BLOC1S2: variants seen among roughly 807,000 people sequenced by gnomAD.
BLOC1S2 encodes biogenesis of lysosome-related organelles complex 1 subunit 2.
In BLOC1S2, 12 loss-of-function variants were observed where a neutral mutation model predicts 19.6. The observed-to-expected ratio is 0.61, with a 90% CI of 0.39 to 0.99. BLOC1S2 has a LOEUF of 0.99. Ranked by LOEUF, BLOC1S2 falls within the 50% of genes least tolerant of loss-of-function variation. The pLI is 0.00. For synonymous variants in BLOC1S2, 66 were observed against 64.1 expected, an observed-to-expected ratio of 1.03 and a Z score of -0.14; for missense variants, 142 against 171.0, an observed-to-expected ratio of 0.83 and a Z score of 0.95.
In BLOC1S2 at chr10:100,275,141, G is replaced by A; in HGVS notation, c.*321C>T. On this transcript the variant is annotated 3_prime_UTR_variant, in exon 5 of 5. Transcript: ENST00000370372. Reference sequence around the variant, plus strand: ...AATGTAGTAATCAACCACTACCAGAGAAAATAGGTCCTCTCATTTGATTTT... The same window carrying A: ...AATGTAGTAATCAACCACTACCAGAAAAAATAGGTCCTCTCATTTGATTTT... 2.5e-6 allele frequency: 1 copy of A among 404,500 alleles called. No homozygotes were observed. Among genetic ancestry groups the A allele is most frequent in the Non-Finnish European group, 4.4e-6 (1 of 229,232 alleles). The allele number at this position is 404,500 out of a possible 1,614,324, so 25.1% of individuals were successfully genotyped here.
chr10:100,277,606 GA>G (rs1406852253), intron 4 of BLOC1S2, among the ~76,000 whole-genome samples: 40 of 108,934 alleles, frequency 3.7e-4, no homozygotes, highest in African/African-American at 6.6e-4. Context: ...AGGGAGGTGG[GA>G]GGGGGTCAGC....
At chr10:100,275,637 T>C (rs761844527) in intron 4 of BLOC1S2, 144 bp from the exon 5 acceptor site, 95 of 703,864 alleles carry the variant, frequency 1.3e-4, no homozygotes, top group Non-Finnish European at 2.0e-4. Flanking sequence ...TGTCCAAATA[T>C]ACGGATCACT....
rs553952852 is a variant in BLOC1S2 at position 100,286,672 on chromosome 10, G to C, written c.-13C>G. On this transcript the variant is annotated 5_prime_UTR_variant, in exon 1 of 5. Coordinates refer to ENST00000370372, the MANE Select transcript of BLOC1S2 (RefSeq NM_173809.5). ...CTGCCGCCGCCATAGCGGACCCCGC[G>C]CTGTTTCCGGGCCGGGGTGCTGCGC... is the stretch of plus-strand genomic sequence containing the variant. 2.5e-6 allele frequency: 4 copies of C among 1,608,384 alleles called. No homozygotes were observed. The highest frequency in any genetic ancestry group is 2.2e-5 in the East Asian group (1 of 44,692).
At chr10:100,278,977 C>T (rs1848025441) in intron 4 of BLOC1S2, among the ~76,000 whole-genome samples, 2 of 152,052 alleles carry the variant, frequency 1.3e-5, no homozygotes, top group South Asian at 2.1e-4. Context: ...GTCCCAGGTA[C>T]TCAGGAGGCT....
rs368757508 is a variant in BLOC1S2, at chr10:100,286,149, G to A, written c.120C>T (p.Leu40=). 13 of 1,614,152 alleles carry A rather than the reference G, an allele frequency of 8.1e-6. No homozygotes were observed. Among genetic ancestry groups the A allele is most frequent in the Non-Finnish European group, 1.1e-5 (13 of 1,179,998 alleles). The change falls in exon 2 of 5, where the codon CTC becomes CTT. Residue 40 remains leucine (L), a synonymous_variant. Transcript: ENST00000370372. ...CCATTTTGGAGAACATGTCCCGGCAGAGCTCAGTGATGTCAGCTTCAGCAG... is the reference window on the plus strand; with the variant it reads ...CCATTTTGGAGAACATGTCCCGGCAAAGCTCAGTGATGTCAGCTTCAGCAG... ...KEPAEADITE[L]CRDMFSKMAT...
In BLOC1S2 at chr10:100,274,888, A is replaced by G. The variant is rs1847814259; in HGVS notation, c.*574T>C. 1 of 398,342 alleles carries G rather than the reference A, an allele frequency of 2.5e-6. No homozygotes were observed. The highest frequency in any genetic ancestry group is 4.4e-6 in the Non-Finnish European group (1 of 225,976). 24.7% of individuals were successfully genotyped at this position (398,342 alleles called of 1,614,324 possible). A position where few individuals can be genotyped will look rare whatever the true frequency, so the allele number is the denominator to read the frequency against. ...CCAAGTTATCAATACTCCTTTCACC[A>G]TTTCTGCTCAATCTAGAAGACTCAG... On this transcript the variant is annotated 3_prime_UTR_variant, in exon 5 of 5. Coordinates refer to ENST00000370372, the MANE Select transcript of BLOC1S2 (RefSeq NM_173809.5).
Position 100,279,044 on chromosome 10 carries a change from G to A in BLOC1S2, c.397+1080C>T, listed in dbSNP as rs114682812. ...CAAGGCTACAGCGAGCTATGATCAC[G>A]TCATTGCACCCTAGCCTGGGTGACA... is the stretch of plus-strand genomic sequence containing the variant. On this transcript the variant is annotated intron_variant, in intron 4 of 4. Transcript: ENST00000370372. Among the ~76,000 whole-genome samples the A allele has an allele frequency of 8.3e-3, 1,260 of 151,806 alleles. 18 individuals are homozygous for A. The highest frequency in any genetic ancestry group is 0.026 in the African/African-American group (1,062 of 41,364).
intron 2 of BLOC1S2, 144 bp downstream of exon 2, chr10:100,285,953 C>T: frequency 9.0e-7 from 1 of 1,116,768 alleles, no homozygotes; most frequent in Non-Finnish European, 1.3e-6. Flanking sequence ...TTTTCTTTCT[C>T]TCCCATTCAT....
At chr10:100,285,135 C>G (rs1848201857) in intron 2 of BLOC1S2, among the ~76,000 whole-genome samples, 1 of 152,064 alleles carries the variant, frequency 6.6e-6, no homozygotes, top group African/African-American at 2.4e-5. Context: ...CAAGCCTTTT[C>G]TCATAGATTC....
At chr10:100,285,082 G>GA (rs200718402) in intron 2 of BLOC1S2, among the ~76,000 whole-genome samples, 65,875 of 147,722 alleles carry the variant, frequency 0.45, 14,822 homozygotes, top group African/African-American at 0.49. Flanking sequence ...AACAGAAAAA[G>GA]AAAAAAAAAA....
chr10:100,286,372 C>T, intron 1 of BLOC1S2, 159 bp from the exon 2 acceptor site: 4 of 1,458,324 alleles, frequency 2.7e-6, no homozygotes, highest in Non-Finnish European at 3.6e-6. Flanking sequence ...CCCTGCCCAT[C>T]TGACACATCA....
chr10:100,284,015 C>T (rs1848174564), intron 2 of BLOC1S2, among the ~76,000 whole-genome samples: 1 of 152,172 alleles, frequency 6.6e-6, no homozygotes, highest in South Asian at 2.1e-4. Flanking sequence ...AATGTGCTTC[C>T]CCTTACTTCT....
chr10:100,278,144 C>T (rs1259230548), intron 4 of BLOC1S2, among the ~76,000 whole-genome samples: 3 of 143,020 alleles, frequency 2.1e-5, no homozygotes, highest in South Asian at 2.2e-4. Flanking sequence ...CCAGCCACCC[C>T]GTCTGGGAGG....
intron 4 of BLOC1S2, among the ~76,000 whole-genome samples, chr10:100,279,398 AT>A (rs1376569939): frequency 6.6e-6 from 1 of 152,182 alleles, no homozygotes; most frequent in Admixed American, 6.5e-5. Context: ...CAACTTACTT[AT>A]CCCCTTAAAC....
chr10:100,277,202 A>C (rs1393243156), intron 4 of BLOC1S2, among the ~76,000 whole-genome samples: 1 of 135,684 alleles, frequency 7.4e-6, no homozygotes, highest in Non-Finnish European at 1.6e-5. Context: ...GCCCCGTCTG[A>C]GAAGTGAGGA....
At chr10:100,286,408 G>C in intron 1 of BLOC1S2, 195 bp from the exon 2 acceptor site, 1 of 1,459,830 alleles carries the variant, frequency 6.9e-7, no homozygotes, top group Non-Finnish European at 9.1e-7. Flanking sequence ...ACCGCCCCTC[G>C]CCCATACCCG....
chr10:100,276,062 G>A (rs752650613), intron 4 of BLOC1S2, among the ~76,000 whole-genome samples: 2 of 152,244 alleles, frequency 1.3e-5, no homozygotes, highest in East Asian at 3.9e-4. Context: ...AATGGTTACT[G>A]TGAACCAAGA....
At chr10:100,277,145 G>C (rs28632131) in intron 4 of BLOC1S2, among the ~76,000 whole-genome samples, 1 of 138,960 alleles carries the variant, frequency 7.2e-6, no homozygotes, top group Non-Finnish European at 1.6e-5. Flanking sequence ...GGGAGCGCCT[G>C]TGCCCCGCCG....
In BLOC1S2 at chr10:100,275,408, A is replaced by C; in HGVS notation, c.*54T>G. 1 of 1,522,292 alleles carries C rather than the reference A, an allele frequency of 6.6e-7. No individual in the cohort carries two copies. The highest frequency in any genetic ancestry group is 8.9e-7 in the Non-Finnish European group (1 of 1,121,518). 94.3% of individuals were successfully genotyped at this position (1,522,292 alleles called of 1,614,324 possible). A position where few individuals can be genotyped will look rare whatever the true frequency, so the allele number is the denominator to read the frequency against. On this transcript the variant is annotated 3_prime_UTR_variant, in exon 5 of 5. Coordinates refer to ENST00000370372, the MANE Select transcript of BLOC1S2 (RefSeq NM_173809.5). Reference sequence around the variant, plus strand: ...ATCAGCCTCAGGATTCAGGTTTTATAAGACATTCTTCCACATTAAAAAAAA... The same window carrying C: ...ATCAGCCTCAGGATTCAGGTTTTATCAGACATTCTTCCACATTAAAAAAAA...
Sources: gnomAD v4.1 joint callset for allele counts (sites outside exome capture counted in the v4.1 genomes callset) on GRCh38, gnomAD v4.1.1 for gene constraint, MANE v1.5 for transcripts, NCBI Gene and HGNC (gene_info 2026-07-23, HGNC 2026-07-21) for gene names.